Variants in FSTL5 observed in about 807,000 individuals in gnomAD.
The protein encoded by FSTL5 is follistatin like 5, also known as follistatin-related protein 5.
Under a neutral mutation model 89.1 loss-of-function variants are expected in FSTL5, and 62 were observed. That is an observed-to-expected ratio of 0.70 (90% CI 0.57 to 0.86). FSTL5 has a LOEUF of 0.86. Ranked by LOEUF, FSTL5 falls within the 40% of genes least tolerant of loss-of-function variation. The pLI, the probability that FSTL5 is intolerant of heterozygous loss-of-function variation, is 0.00. For missense variants in FSTL5, 1,057 were observed against 1,001.6 expected, an observed-to-expected ratio of 1.06 and a Z score of -0.75; for synonymous variants, 383 against 346.2, an observed-to-expected ratio of 1.11 and a Z score of -1.18.
intron 6 of FSTL5, among the ~76,000 whole-genome samples, chr4:161,709,980 G>T: frequency 6.6e-6 from 1 of 152,136 alleles, no homozygotes; most frequent in East Asian, 1.9e-4. Flanking sequence ...GGTGGTAGTT[G>T]TTTTTTGAGA....
chr4:161,727,458 A>G (rs1339575872), intron 6 of FSTL5, among the ~76,000 whole-genome samples: 1 of 152,158 alleles, frequency 6.6e-6, no homozygotes, highest in Non-Finnish European at 1.5e-5. Flanking sequence ...CAGTAGTTTT[A>G]AAAGGGAGGC....
At chr4:162,138,619 T>G (rs1732606512) in intron 1 of FSTL5, among the ~76,000 whole-genome samples, 1 of 152,120 alleles carries the variant, frequency 6.6e-6, no homozygotes, top group Admixed American at 6.6e-5. Flanking sequence ...AGGATTGTAC[T>G]GGAGTCCTAA....
chr4:161,867,183 C>A (rs908148239), intron 4 of FSTL5, among the ~76,000 whole-genome samples: 1 of 151,940 alleles, frequency 6.6e-6, no homozygotes, highest in African/African-American at 2.4e-5. Flanking sequence ...TATTCATACA[C>A]ATATATATTG....
At chr4:161,703,356 T>C (rs1377535806) in intron 6 of FSTL5, among the ~76,000 whole-genome samples, 2 of 152,048 alleles carry the variant, frequency 1.3e-5, no homozygotes, top group African/African-American at 4.8e-5. Flanking sequence ...TGCTACGTAG[T>C]TCTCCTTCTA....
chr4:161,797,255 C>T (rs1056668498), intron 4 of FSTL5, among the ~76,000 whole-genome samples: 1 of 151,434 alleles, frequency 6.6e-6, no homozygotes, highest in Non-Finnish European at 1.5e-5. Flanking sequence ...TTTTTACTGG[C>T]TATTTTAGCA....
chr4:162,025,140 A>G (rs1737232271), intron 3 of FSTL5, among the ~76,000 whole-genome samples: 1 of 152,144 alleles, frequency 6.6e-6, no homozygotes, highest in Admixed American at 6.6e-5. Context: ...GTGTTAGTCT[A>G]AAAATAAATA....
intron 3 of FSTL5, among the ~76,000 whole-genome samples, chr4:161,992,955 T>TACAC (rs1232453830): frequency 7.8e-6 from 1 of 128,182 alleles, no homozygotes; most frequent in Non-Finnish European, 1.6e-5. Context: ...TGTATATCTA[T>TACAC]ATATATATGT....
chr4:161,852,922 A>C (rs1304025919), intron 4 of FSTL5, among the ~76,000 whole-genome samples: 1 of 152,158 alleles, frequency 6.6e-6, no homozygotes, highest in Non-Finnish European at 1.5e-5. Flanking sequence ...TGATCTGTGC[A>C]GCAAACCACG....
Position 161,451,065 on chromosome 4 carries a change from G to A in FSTL5, c.1841+3939C>T, listed in dbSNP as rs1733146723. On this transcript the variant is annotated intron_variant, in intron 15 of 15. Transcript: ENST00000306100. ...GGCCCATTCATCTTCATTTTTAACAGCCACTTTTAATTTTACCTATCTGTA... is the reference window on the plus strand; with the variant it reads ...GGCCCATTCATCTTCATTTTTAACAACCACTTTTAATTTTACCTATCTGTA... Among the ~76,000 whole-genome samples, 3 of 151,754 alleles carry A rather than the reference G, an allele frequency of 2.0e-5. No homozygotes were observed. In the South Asian group the frequency reaches 6.2e-4, roughly 31 times the overall value.
intron 4 of FSTL5, among the ~76,000 whole-genome samples, chr4:161,781,264 T>G (rs1409171332): frequency 6.6e-6 from 1 of 152,056 alleles, no homozygotes; most frequent in East Asian, 1.9e-4. Flanking sequence ...ATATTAATTA[T>G]AAGTAGTGAA....
intron 15 of FSTL5, among the ~76,000 whole-genome samples, chr4:161,410,632 T>G (rs376435412): frequency 6.6e-6 from 1 of 152,048 alleles, no homozygotes; most frequent in Admixed American, 6.5e-5. Flanking sequence ...AATTTCTGGA[T>G]GAAAACAGAA....
At chr4:161,892,491 C>CA (rs33918107) in intron 4 of FSTL5, among the ~76,000 whole-genome samples, 37,958 of 151,836 alleles carry the variant, frequency 0.25, 5,320 homozygotes, top group Non-Finnish European at 0.3. Context: ...AAGTTCTTTG[C>CA]AAAAGACATT....
intron 6 of FSTL5, among the ~76,000 whole-genome samples, chr4:161,749,661 A>G (rs1740326282): frequency 6.6e-6 from 1 of 151,850 alleles, no homozygotes; most frequent in South Asian, 2.1e-4. Context: ...GCATGGTGGC[A>G]GGGGCCTGTA....
At chr4:161,982,641 T>C (rs1249971153) in intron 3 of FSTL5, among the ~76,000 whole-genome samples, 1 of 152,222 alleles carries the variant, frequency 6.6e-6, no homozygotes, top group Non-Finnish European at 1.5e-5. Context: ...TTTGAATACA[T>C]GAATAATATT....
intron 8 of FSTL5, among the ~76,000 whole-genome samples, chr4:161,570,996 C>T (rs1233342314): frequency 6.6e-6 from 1 of 151,836 alleles, no homozygotes; most frequent in Non-Finnish European, 1.5e-5. Flanking sequence ...TGCATGTAGT[C>T]CCAGCTACTA....
chr4:161,783,558 T>C lies in FSTL5; in HGVS notation c.410-7484A>G, dbSNP rs558799320. Reference sequence around the variant, plus strand: ...TTTCAGTGCATTATGTCTGCTTTCTTTCTTTTCTTTTCTTTCTTTGCTTTC... The same window carrying C: ...TTTCAGTGCATTATGTCTGCTTTCTCTCTTTTCTTTTCTTTCTTTGCTTTC... On this transcript the variant is annotated intron_variant, in intron 4 of 15. Coordinates refer to ENST00000306100, the MANE Select transcript of FSTL5 (RefSeq NM_020116.5). Among the ~76,000 whole-genome samples, 9 of 151,538 alleles carry C rather than the reference T, an allele frequency of 5.9e-5. 1 individual carries two copies. Among genetic ancestry groups the C allele is most frequent in the Admixed American group, 4.6e-4 (7 of 15,190 alleles).
chr4:161,714,994 AT>A (rs1283975863), intron 6 of FSTL5, among the ~76,000 whole-genome samples: 1 of 152,166 alleles, frequency 6.6e-6, no homozygotes, highest in African/African-American at 2.4e-5. Flanking sequence ...GAGCAGGACT[AT>A]TTTATATAAA....
At chr4:161,858,171 C>G (rs774407673) in intron 4 of FSTL5, among the ~76,000 whole-genome samples, 6 of 152,068 alleles carry the variant, frequency 3.9e-5, no homozygotes, top group Non-Finnish European at 8.8e-5. Context: ...CCTTCCACCA[C>G]GTGAGGATAA....
intron 4 of FSTL5, among the ~76,000 whole-genome samples, chr4:161,858,118 G>T (rs1327818191): frequency 6.6e-6 from 1 of 152,166 alleles, no homozygotes; most frequent in Admixed American, 6.5e-5. Flanking sequence ...ACAGGATGAG[G>T]GCCCTTATAT....
Sources: allele counts gnomAD v4.1 joint callset (sites outside exome capture counted in the v4.1 genomes callset), GRCh38; gene constraint gnomAD v4.1.1; transcripts MANE v1.5; gene names NCBI Gene and HGNC (gene_info 2026-07-23, HGNC 2026-07-21).